FMN1: variants seen among roughly 807,000 people sequenced by gnomAD.
FMN1 encodes formin-1.
Under a neutral mutation model 132.4 loss-of-function variants are expected in FMN1, and 110 were observed. The observed-to-expected ratio is 0.83, with a 90% CI of 0.71 to 0.97. The LOEUF (loss-of-function observed/expected upper bound fraction) is 0.97. Ranked by LOEUF, FMN1 falls within the 50% of genes least tolerant of loss-of-function variation. The probability of loss-of-function intolerance (pLI) is 0.00; values close to 1 mark genes in which losing one functional copy is unlikely to be tolerated. For missense variants in FMN1, 1,792 were observed against 1,705.3 expected (o/e 1.05, Z -0.90); for synonymous variants, 722 against 651.7 (o/e 1.11, Z -1.64).
chr15:32,971,270 A>G (rs573515788), intron 7 of FMN1, among the ~76,000 whole-genome samples: 3 of 152,400 alleles, frequency 2.0e-5, no homozygotes, highest in African/African-American at 7.2e-5. Flanking sequence ...TGCTAATAGC[A>G]GAGCAAGAGA....
At chr15:33,118,365 C>G (rs4780081) in intron 4 of FMN1, among the ~76,000 whole-genome samples, 1 of 148,908 alleles carries the variant, frequency 6.7e-6, no homozygotes, top group African/African-American at 2.4e-5. Flanking sequence ...TTCTCAGGGG[C>G]ATACTAAGAA....
rs1375778258 is a variant in FMN1 at position 33,099,494 on chromosome 15, T to C, written c.1868-10520A>G. Among the ~76,000 whole-genome samples, 4 of 151,760 alleles carry C rather than the reference T, an allele frequency of 2.6e-5. No homozygotes were observed. The East Asian group carries it at 7.7e-4, about 29-fold the overall frequency. ...GCAGCAATGTGATGTGCCAGTATAATCTTTTGAGAGCTATCAAGATCAGCA... is the reference window on the plus strand; with the variant it reads ...GCAGCAATGTGATGTGCCAGTATAACCTTTTGAGAGCTATCAAGATCAGCA... On this transcript the variant is annotated intron_variant, in intron 4 of 20. Coordinates refer to ENST00000616417, the MANE Select transcript of FMN1 (RefSeq NM_001277313.2).
intron 9 of FMN1, among the ~76,000 whole-genome samples, chr15:32,946,075 A>C (rs1195070441): frequency 2.6e-5 from 4 of 152,184 alleles, no homozygotes; most frequent in African/African-American, 9.7e-5. Flanking sequence ...ATTCCACGAA[A>C]TGTTGGTAAA....
chr15:32,893,204 T>C lies in FMN1; in HGVS notation c.3715-4912A>G, dbSNP rs549193492. Among the ~76,000 whole-genome samples, 10 of 152,368 alleles carry C rather than the reference T, an allele frequency of 6.6e-5. No individual in the cohort carries two copies. In the South Asian group the frequency reaches 2.1e-3, roughly 32 times the overall value. On this transcript the variant is annotated intron_variant, in intron 15 of 20. Coordinates refer to ENST00000616417, the MANE Select transcript of FMN1 (RefSeq NM_001277313.2). ...TTTCCCCCATCTTCATATACTTATT[T>C]TACTACTTTAAAATGGAAGCAGTAC... is the stretch of plus-strand genomic sequence containing the variant.
intron 8 of FMN1, among the ~76,000 whole-genome samples, chr15:32,967,047 G>A (rs2031305628): frequency 6.6e-6 from 1 of 152,200 alleles, no homozygotes; most frequent in East Asian, 1.9e-4. Context: ...AGGTTCAAAT[G>A]CGCACCAAGC....
intron 6 of FMN1, among the ~76,000 whole-genome samples, chr15:33,026,201 G>C (rs543469956): frequency 2.7e-5 from 4 of 149,006 alleles, no homozygotes; most frequent in Non-Finnish European, 5.9e-5. Context: ...TGCTGGGAGA[G>C]TTAATCATCT....
chr15:32,800,753 C>T (rs2057450695), intron 18 of FMN1, among the ~76,000 whole-genome samples: 2 of 152,190 alleles, frequency 1.3e-5, no homozygotes, highest in Admixed American at 1.3e-4. Flanking sequence ...CTGTGAAATG[C>T]TCTGTCTGCT....
chr15:33,015,632 T>C (rs1303490465), intron 6 of FMN1, among the ~76,000 whole-genome samples: 1 of 152,184 alleles, frequency 6.6e-6, no homozygotes, highest in Non-Finnish European at 1.5e-5. Context: ...GATCCTGATA[T>C]GTCCGGCCTG....
At chr15:33,060,745 A>C (rs781385016) in intron 6 of FMN1, among the ~76,000 whole-genome samples, 11 of 152,236 alleles carry the variant, frequency 7.2e-5, no homozygotes, top group Non-Finnish European at 1.5e-4. Context: ...CCAGATGCAC[A>C]TTGAGAGAGA....
rs143241981 is a variant in FMN1 at position 32,961,598 on chromosome 15, A to T, written c.3138+2509T>A. ...TAACCAACCAAACAAAAACCCACTA[A>T]AACAGGGAAATGGTAGCCGTAGTAG... On this transcript the variant is annotated intron_variant, in intron 9 of 20. Transcript: ENST00000616417. Among the ~76,000 whole-genome samples, 413 of 152,284 alleles carry T rather than the reference A, an allele frequency of 2.7e-3. 1 individual carries two copies. Among genetic ancestry groups the T allele is most frequent in the Admixed American group, 8.2e-3 (125 of 15,298 alleles).
At chr15:33,110,576 A>G (rs2039663003) in intron 4 of FMN1, among the ~76,000 whole-genome samples, 1 of 152,036 alleles carries the variant, frequency 6.6e-6, no homozygotes, top group Admixed American at 6.6e-5. Flanking sequence ...GAGAATAGCT[A>G]TTCTGTCATG....
chr15:33,193,641 G>C (rs981515432), intron 2 of FMN1, among the ~76,000 whole-genome samples: 1 of 152,122 alleles, frequency 6.6e-6, no homozygotes, highest in Non-Finnish European at 1.5e-5. Context: ...ACAGGTTCAG[G>C]CTCTGCATTC....
At chr15:33,058,918 T>C (rs949300046) in intron 6 of FMN1, among the ~76,000 whole-genome samples, 2 of 152,244 alleles carry the variant, frequency 1.3e-5, no homozygotes, top group African/African-American at 4.8e-5. Context: ...TGAAATTTAT[T>C]CTTATTTTGA....
chr15:32,790,547 A>G (rs1040538770), intron 19 of FMN1, among the ~76,000 whole-genome samples: 2 of 152,176 alleles, frequency 1.3e-5, no homozygotes, highest in Non-Finnish European at 2.9e-5. Context: ...GATTCAGTGG[A>G]TCTGTTTACA....
chr15:33,164,256 G>C (rs1330790332), intron 3 of FMN1, among the ~76,000 whole-genome samples: 1 of 152,186 alleles, frequency 6.6e-6, no homozygotes, highest in Non-Finnish European at 1.5e-5. Context: ...TCACAAGAAG[G>C]AAAGCACTAA....
intron 14 of FMN1, 167 bp downstream of exon 14, chr15:32,899,812 T>G: frequency 1.4e-6 from 1 of 720,538 alleles, no homozygotes; most frequent in Non-Finnish European, 2.3e-6. Flanking sequence ...CAAAACTCTT[T>G]ATTCGAAAGT....
intron 17 of FMN1, among the ~76,000 whole-genome samples, chr15:32,856,312 T>C (rs1462112219): frequency 1.3e-5 from 2 of 152,188 alleles, no homozygotes; most frequent in African/African-American, 4.8e-5. Context: ...TTGTTTTACA[T>C]CTTAAGTTAA....
At chr15:33,098,331 T>G (rs2039163843) in intron 4 of FMN1, among the ~76,000 whole-genome samples, 1 of 152,180 alleles carries the variant, frequency 6.6e-6, no homozygotes, top group Non-Finnish European at 1.5e-5. Flanking sequence ...CATGATTAAC[T>G]CATAGCAAAG....
intron 17 of FMN1, among the ~76,000 whole-genome samples, chr15:32,829,890 C>A (rs539187316): frequency 1.3e-5 from 2 of 152,200 alleles, no homozygotes; most frequent in Non-Finnish European, 2.9e-5. Flanking sequence ...AATACCCACA[C>A]AGAAATGAGG....
Sources: allele counts gnomAD v4.1 joint callset (sites outside exome capture counted in the v4.1 genomes callset), GRCh38; gene constraint gnomAD v4.1.1; transcripts MANE v1.5; gene names NCBI Gene and HGNC (gene_info 2026-07-23, HGNC 2026-07-21).